The following QKI variants were observed in gnomAD, a reference collection of about 807,000 sequenced individuals.
The protein encoded by QKI is QKI, KH domain containing RNA binding.
Under a neutral mutation model 39.0 loss-of-function variants are expected in QKI, and 10 were observed. The observed-to-expected ratio is 0.26, with a 90% CI of 0.16 to 0.43. The LOEUF is 0.43. Ranked by LOEUF, QKI falls within the 20% of genes least tolerant of loss-of-function variation. QKI has a pLI of 1.00. For synonymous variants in QKI, 204 were observed against 155.4 expected, an observed-to-expected ratio of 1.31 and a Z score of -2.33; for missense variants, 218 against 428.0, an observed-to-expected ratio of 0.51 and a Z score of 4.33.
At chr6:163,460,946 C>T (rs1014852407) in intron 2 of QKI, among the ~76,000 whole-genome samples, 35 of 152,110 alleles carry the variant, frequency 2.3e-4, no homozygotes, top group African/African-American at 8.4e-4. Flanking sequence ...GTACAGAAAT[C>T]TATTTAAAGG....
chr6:163,483,780 CCT>C (rs544184929), intron 3 of QKI, among the ~76,000 whole-genome samples: 58 of 152,308 alleles, frequency 3.8e-4, no homozygotes, highest in African/African-American at 1.2e-3. Flanking sequence ...GATATTTTGA[CCT>C]CTCTCCATGA....
At position 163,572,295 on chromosome 6, in the gene QKI, A is replaced by G. The variant is rs1334350996; in HGVS notation, c.*1585A>G. 6.6e-6 allele frequency: 1 copy of G among 152,242 alleles called. No homozygotes were observed. Among genetic ancestry groups the G allele is most frequent in the Non-Finnish European group, 1.5e-5 (1 of 68,036 alleles). 9.4% of individuals were successfully genotyped at this position (152,242 alleles called of 1,614,324 possible). A position where few individuals can be genotyped will look rare whatever the true frequency, so the allele number is the denominator to read the frequency against. On this transcript the variant is annotated 3_prime_UTR_variant, in exon 8 of 8. Coordinates refer to ENST00000361752, the MANE Select transcript of QKI (RefSeq NM_006775.3). ...GTTTTTTGTTTTTAATTAATTGAAT[A>G]TAATAGGATACCTAGCAAATGTTTT...
At chr6:163,434,079 T>C (rs116394139) in intron 1 of QKI, among the ~76,000 whole-genome samples, 2,208 of 152,310 alleles carry the variant, frequency 0.014, 49 homozygotes, top group African/African-American at 0.051. Flanking sequence ...ACAAACTTTT[T>C]TTTTTAATCC....
At chr6:163,476,711 G>A (rs916096448) in intron 2 of QKI, among the ~76,000 whole-genome samples, 9 of 152,190 alleles carry the variant, frequency 5.9e-5, no homozygotes, top group African/African-American at 1.9e-4. Context: ...GTGTGTGAGT[G>A]TCCAGTCTCT....
chr6:163,517,327 T>G (rs1019552081), intron 3 of QKI, among the ~76,000 whole-genome samples: 5 of 152,216 alleles, frequency 3.3e-5, no homozygotes, highest in African/African-American at 1.2e-4. Context: ...ATAATCTCCC[T>G]GTTGATTAAC....
At chr6:163,559,410 AT>A (rs1365298668) in intron 4 of QKI, among the ~76,000 whole-genome samples, 19 of 149,340 alleles carry the variant, frequency 1.3e-4, no homozygotes, top group Non-Finnish European at 1.5e-5. Context: ...ATAAGTTTTA[AT>A]TTTCAAATGA....
chr6:163,458,464 ATAAG>A (rs1791099867), intron 2 of QKI, among the ~76,000 whole-genome samples: 1 of 152,242 alleles, frequency 6.6e-6, no homozygotes, highest in African/African-American at 2.4e-5. Context: ...TGTATTCACA[ATAAG>A]TATTTGTTGC....
At chr6:163,533,042 A>C (rs769728785) in intron 3 of QKI, among the ~76,000 whole-genome samples, 13 of 152,102 alleles carry the variant, frequency 8.5e-5, no homozygotes, top group Admixed American at 2.0e-4. Context: ...CTTGCCTGGA[A>C]ACAGAAGTCC....
chr6:163,453,029 GTTTA>G (rs887439838), intron 1 of QKI, among the ~76,000 whole-genome samples: 2 of 151,446 alleles, frequency 1.3e-5, no homozygotes, highest in Admixed American at 6.6e-5. Flanking sequence ...CGCCCGGCAC[GTTTA>G]TTTAATTTTT....
At chr6:163,490,302 A>G (rs1398947207) in intron 3 of QKI, among the ~76,000 whole-genome samples, 2 of 152,210 alleles carry the variant, frequency 1.3e-5, no homozygotes, top group Admixed American at 1.3e-4. Context: ...TTAATTTAAT[A>G]CAATCTGCGG....
chr6:163,565,155 T>C lies in QKI; in HGVS notation c.934+1436T>C, dbSNP rs1276055376. On this transcript the variant is annotated intron_variant, in intron 6 of 7. Transcript: ENST00000361752. ...TACCACAGAACTGTTTATGAGAGGC[T>C]TGTGTCTGTTGCACATTTCTTGAAG... 8.1e-6 allele frequency: 8 copies of C among 993,454 alleles called. No individual in the cohort carries two copies. The African/African-American group carries it at 8.7e-5, about 11-fold the overall frequency. 61.5% of individuals were successfully genotyped at this position (993,454 alleles called of 1,614,324 possible). A position where few individuals can be genotyped will look rare whatever the true frequency, so the allele number is the denominator to read the frequency against.
intron 1 of QKI, among the ~76,000 whole-genome samples, chr6:163,424,916 C>T (rs1220268864): frequency 7.2e-5 from 11 of 152,158 alleles, no homozygotes; most frequent in Admixed American, 3.9e-4. Context: ...CAGGTGTTAG[C>T]CACTGCCCCC....
At chr6:163,562,605 C>T (rs1284610954) in intron 5 of QKI, among the ~76,000 whole-genome samples, 1 of 152,038 alleles carries the variant, frequency 6.6e-6, no homozygotes, top group Non-Finnish European at 1.5e-5. Flanking sequence ...TTATGCGTAT[C>T]TATGCATGTT....
At chr6:163,494,496 C>T (rs775081197) in intron 3 of QKI, among the ~76,000 whole-genome samples, 67 of 152,196 alleles carry the variant, frequency 4.4e-4, no homozygotes, top group Non-Finnish European at 8.1e-4. Context: ...CACGGTCATT[C>T]AGACACGCAC....
intron 3 of QKI, among the ~76,000 whole-genome samples, chr6:163,487,777 C>CT (rs1024064443): frequency 1.3e-5 from 2 of 151,906 alleles, no homozygotes; most frequent in African/African-American, 4.8e-5. Flanking sequence ...CATTTCTGTT[C>CT]TTTTTTGAAA....
intron 2 of QKI, among the ~76,000 whole-genome samples, chr6:163,463,656 G>C (rs992695682): frequency 6.6e-6 from 1 of 152,108 alleles, no homozygotes; most frequent in South Asian, 2.1e-4. Context: ...ACAAATTCAC[G>C]TGAGGAAGAT....
At position 163,570,896 on chromosome 6, in the gene QKI, T is replaced by G; in HGVS notation, c.*186T>G. 1 of 384,120 alleles carries G rather than the reference T, an allele frequency of 2.6e-6. No homozygotes were observed. The highest frequency in any genetic ancestry group is 4.6e-5 in the Admixed American group (1 of 21,922). 23.8% of individuals were successfully genotyped at this position (384,120 alleles called of 1,614,324 possible). On this transcript the variant is annotated 3_prime_UTR_variant, in exon 8 of 8. Coordinates refer to ENST00000361752, the MANE Select transcript of QKI (RefSeq NM_006775.3). ...GAAATTGTTGTCCTCCAACTCAGCT[T>G]TTTTTTTTTTTTTTTCCTGTTTGGG...
At chr6:163,554,853 C>T (rs1583213428) in intron 4 of QKI, among the ~76,000 whole-genome samples, 1 of 152,224 alleles carries the variant, frequency 6.6e-6, no homozygotes, top group African/African-American at 2.4e-5. Context: ...AGCTCATGAC[C>T]TATCTCAGTA....
At chr6:163,566,979 C>T in intron 7 of QKI, 184 bp downstream of exon 7, 1 of 1,366,774 alleles carries the variant, frequency 7.3e-7, no homozygotes, top group South Asian at 1.8e-5. Context: ...TTGGTTTTTT[C>T]TCCCTTCATA....
Sources: gnomAD v4.1 joint callset for allele counts (sites outside exome capture counted in the v4.1 genomes callset) on GRCh38, gnomAD v4.1.1 for gene constraint, MANE v1.5 for transcripts, NCBI Gene and HGNC (gene_info 2026-07-23, HGNC 2026-07-21) for gene names.